The following SHANK2 variants were observed in gnomAD, a reference collection of about 807,000 sequenced individuals.
SHANK2 encodes the protein SH3 and multiple ankyrin repeat domains 2, also known as SH3 and multiple ankyrin repeat domains protein 2.
SHANK2 carries 43 observed loss-of-function variants against 133.7 expected under a neutral mutation model. The ratio of observed to expected loss-of-function variants is 0.32; its 90% confidence interval spans 0.25 to 0.41. The LOEUF is 0.41. SHANK2 is among the 10% of genes least tolerant of loss of function. The probability of loss-of-function intolerance (pLI) is 1.00; values close to 1 mark genes in which losing one functional copy is unlikely to be tolerated. For missense variants in SHANK2, 1,994 were observed against 2,235.8 expected (o/e 0.89, Z 2.18); for synonymous variants, 1,017 against 952.8 (o/e 1.07, Z -1.24).
chr11:70,893,302 A>T (rs1192791343), intron 11 of SHANK2, among the ~76,000 whole-genome samples: 1 of 152,254 alleles, frequency 6.6e-6, no homozygotes, highest in Admixed American at 6.5e-5. Flanking sequence ...CGCACAAGCT[A>T]GTGGGGAAGA....
intron 14 of SHANK2, among the ~76,000 whole-genome samples, chr11:70,718,632 C>T (rs567819106): frequency 6.6e-6 from 1 of 151,892 alleles, no homozygotes; most frequent in South Asian, 2.1e-4. Context: ...CGGTACGTCC[C>T]GTGAGAAGGC....
At chr11:70,703,970 A>G (rs1205717208) in intron 14 of SHANK2, among the ~76,000 whole-genome samples, 2 of 152,184 alleles carry the variant, frequency 1.3e-5, no homozygotes, top group African/African-American at 4.8e-5. Flanking sequence ...TGTCCCTTTG[A>G]TCCCAGTGAG....
At chr11:71,232,637 A>C (rs1185213281) in intron 1 of SHANK2, among the ~76,000 whole-genome samples, 1 of 152,128 alleles carries the variant, frequency 6.6e-6, no homozygotes, top group African/African-American at 2.4e-5. Flanking sequence ...CCACTCAGTG[A>C]GGAGTGAATG....
At chr11:71,097,253 G>A (rs919813351) in intron 6 of SHANK2, among the ~76,000 whole-genome samples, 4 of 152,000 alleles carry the variant, frequency 2.6e-5, no homozygotes, top group Middle Eastern at 3.2e-3. Flanking sequence ...CAAAGAGCAC[G>A]TCCGCTGAGG....
At chr11:70,514,368 C>T (rs1280840222) in intron 17 of SHANK2, among the ~76,000 whole-genome samples, 1 of 152,216 alleles carries the variant, frequency 6.6e-6, no homozygotes. Flanking sequence ...AAAGCCTGCA[C>T]TAAAGAACGT....
At chr11:71,239,853 C>T (rs141981359) in intron 1 of SHANK2, among the ~76,000 whole-genome samples, 3 of 152,228 alleles carry the variant, frequency 2.0e-5, no homozygotes, top group East Asian at 1.9e-4. Context: ...CATTTCCTTT[C>T]GTTCAGAAAA....
At chr11:70,785,867 G>C (rs976736601) in intron 14 of SHANK2, among the ~76,000 whole-genome samples, 2 of 152,192 alleles carry the variant, frequency 1.3e-5, no homozygotes, top group African/African-American at 2.4e-5. Context: ...AGTGGACATG[G>C]GGATGCTCTG....
rs1952014860 is a variant in SHANK2 at position 71,118,163 on chromosome 11, C to G, written c.411+666G>C. Among the ~76,000 whole-genome samples the G allele has an allele frequency of 2.0e-5, 3 of 152,240 alleles. No individual in the cohort carries two copies. In the South Asian group the frequency reaches 6.2e-4, roughly 32 times the overall value. ...GGCCCATGGTCCTGGTTATGAAAGC[C>G]TGAATCAGACCCACGGTTTATTATT... On this transcript the variant is annotated intron_variant, in intron 4 of 25. Transcript: ENST00000601538.
intron 2 of SHANK2, among the ~76,000 whole-genome samples, chr11:71,174,250 G>C (rs1402456449): frequency 6.6e-6 from 1 of 152,186 alleles, no homozygotes; most frequent in Non-Finnish European, 1.5e-5. Context: ...CAGTCATTAA[G>C]AACACAGGAC....
At chr11:71,112,457 C>T (rs78473114) in intron 5 of SHANK2, among the ~76,000 whole-genome samples, 5 of 152,122 alleles carry the variant, frequency 3.3e-5, no homozygotes, top group African/African-American at 4.8e-5. Flanking sequence ...AAACAAAAAC[C>T]GAGAGGATCC....
intron 17 of SHANK2, among the ~76,000 whole-genome samples, chr11:70,574,653 C>T (rs782481560): frequency 1.7e-4 from 22 of 125,910 alleles, no homozygotes; most frequent in African/African-American, 2.9e-4. Context: ...GGCTCCACCA[C>T]GGAGCAGGAA....
At chr11:71,059,317 GA>G (rs1217649247) in intron 9 of SHANK2, among the ~76,000 whole-genome samples, 2 of 152,144 alleles carry the variant, frequency 1.3e-5, no homozygotes, top group Admixed American at 6.5e-5. Context: ...CAGTCTGGGT[GA>G]AAAAAAATGT....
intron 17 of SHANK2, among the ~76,000 whole-genome samples, chr11:70,534,098 T>C (rs1482749365): frequency 6.6e-6 from 1 of 152,170 alleles, no homozygotes; most frequent in Non-Finnish European, 1.5e-5. Context: ...AGAGGGGCAG[T>C]GTATTAGTCT....
Position 70,788,228 on chromosome 11 carries a change from C to T in SHANK2, c.1777+10215G>A, listed in dbSNP as rs144106506. 9.2e-5 allele frequency among the ~76,000 whole-genome samples: 14 copies of T among 152,248 alleles called. No individual in the cohort carries two copies. The East Asian group carries it at 9.7e-4, about 11-fold the overall frequency. ...TGGATGAGGACTTTCCTCATTGTGT[C>T]GTCTTCTTATCAATGGCCACAGACA... On this transcript the variant is annotated intron_variant, in intron 14 of 25. Coordinates refer to ENST00000601538, the MANE Select transcript of SHANK2 (RefSeq NM_012309.5).
intron 2 of SHANK2, among the ~76,000 whole-genome samples, chr11:71,181,994 AG>A (rs1302938560): frequency 5.3e-5 from 8 of 152,186 alleles, no homozygotes; most frequent in African/African-American, 1.9e-4. Flanking sequence ...TAACCCTGGC[AG>A]GGGGTCCCTC....
At chr11:70,763,582 G>A (rs1033846221) in intron 14 of SHANK2, among the ~76,000 whole-genome samples, 1 of 152,294 alleles carries the variant, frequency 6.6e-6, no homozygotes, top group Middle Eastern at 3.4e-3. Flanking sequence ...CTCATGAAGG[G>A]GCTGAGGGCC....
intron 8 of SHANK2, among the ~76,000 whole-genome samples, chr11:71,081,015 T>C (rs1164587784): frequency 2.0e-5 from 3 of 152,118 alleles, no homozygotes; most frequent in Non-Finnish European, 4.4e-5. Context: ...CCCCAGTACC[T>C]CCGCATGGGG....
chr11:71,190,430 G>A (rs1055062699), intron 2 of SHANK2, among the ~76,000 whole-genome samples: 15 of 152,180 alleles, frequency 9.9e-5, no homozygotes, highest in East Asian at 1.9e-4. Context: ...CTCGGTACCC[G>A]TCTGCCGCAC....
chr11:71,118,533 T>C (rs1169023656), intron 4 of SHANK2, among the ~76,000 whole-genome samples: 4 of 152,100 alleles, frequency 2.6e-5, no homozygotes, highest in African/African-American at 9.7e-5. Flanking sequence ...AGACCTCACT[T>C]ACTATCATGA....
Sources: gnomAD v4.1 joint callset for allele counts (sites outside exome capture counted in the v4.1 genomes callset) on GRCh38, gnomAD v4.1.1 for gene constraint, MANE v1.5 for transcripts, NCBI Gene and HGNC (gene_info 2026-07-23, HGNC 2026-07-21) for gene names.